Variants in ITSN1 observed in about 807,000 individuals in gnomAD.
ITSN1 encodes the protein intersectin 1.
Under a neutral mutation model 239.8 loss-of-function variants are expected in ITSN1, and 58 were observed. The ratio of observed to expected loss-of-function variants is 0.24; its 90% CI spans 0.20 to 0.30. ITSN1 has a LOEUF of 0.30. ITSN1 is among the 10% of genes least tolerant of loss of function. ITSN1 has a pLI of 1.00. For missense variants in ITSN1, 1,558 were observed against 2,103.3 expected (o/e 0.74, Z 5.07); for synonymous variants, 780 against 770.8 (o/e 1.01, Z -0.20).
intron 5 of ITSN1, among the ~76,000 whole-genome samples, chr21:33,739,325 T>C (rs2066700238): frequency 6.6e-6 from 1 of 152,314 alleles, no homozygotes; most frequent in East Asian, 1.9e-4. Context: ...TCTTTTGTTC[T>C]GGACCCAGCT....
intron 22 of ITSN1, chr21:33,817,765 T>A: frequency 1.4e-6 from 1 of 723,066 alleles, no homozygotes; most frequent in Non-Finnish European, 1.9e-6. Flanking sequence ...CTGTTTTCTC[T>A]GAAAAGGAAC....
At chr21:33,741,653 G>T (rs2066856072) in intron 5 of ITSN1, among the ~76,000 whole-genome samples, 2 of 151,984 alleles carry the variant, frequency 1.3e-5, no homozygotes, top group Non-Finnish European at 2.9e-5. Context: ...AGCACTTTGG[G>T]GGGCCCAGGT....
chr21:33,802,869 G>C (rs1312492230), intron 20 of ITSN1, among the ~76,000 whole-genome samples: 1 of 152,136 alleles, frequency 6.6e-6, no homozygotes, highest in African/African-American at 2.4e-5. Flanking sequence ...GGCAAAAATG[G>C]ACAGTCAACA....
At chr21:33,787,920 A>C (rs2070793560) in intron 16 of ITSN1, among the ~76,000 whole-genome samples, 1 of 152,222 alleles carries the variant, frequency 6.6e-6, no homozygotes, top group African/African-American at 2.4e-5. Context: ...AAAGTGCTCT[A>C]ACTCTCATTC....
chr21:33,843,610 T>A (rs1405067634), intron 29 of ITSN1, among the ~76,000 whole-genome samples: 11 of 152,242 alleles, frequency 7.2e-5, no homozygotes, highest in Admixed American at 7.2e-4. Context: ...TTTTACTCCA[T>A]TTCTCTCATC....
chr21:33,642,885 G>A (rs1264284332), intron 1 of ITSN1, among the ~76,000 whole-genome samples, 172 bp downstream of exon 1: 3 of 151,504 alleles, frequency 2.0e-5, no homozygotes, highest in Non-Finnish European at 4.4e-5. Context: ...GGCAGCGGCT[G>A]CCCCTCTGCC....
At chr21:33,751,400 T>C (rs868207532) in intron 6 of ITSN1, among the ~76,000 whole-genome samples, 71 of 152,358 alleles carry the variant, frequency 4.7e-4, no homozygotes, top group African/African-American at 1.6e-3. Context: ...TCACATGTTA[T>C]CTGGCCAAGA....
chr21:33,752,455 G>A (rs2067620455), intron 7 of ITSN1, among the ~76,000 whole-genome samples: 1 of 152,152 alleles, frequency 6.6e-6, no homozygotes, highest in South Asian at 2.1e-4. Context: ...TTTTATTAAA[G>A]CTGACATGAC....
At chr21:33,676,686 A>G (rs2090613954) in intron 1 of ITSN1, among the ~76,000 whole-genome samples, 1 of 152,206 alleles carries the variant, frequency 6.6e-6, no homozygotes, top group Non-Finnish European at 1.5e-5. Context: ...CATTAGGCAA[A>G]TTTAGGTATA....
intron 22 of ITSN1, 160 bp from the exon 23 acceptor site, chr21:33,818,107 A>C (rs1602419158): frequency 1.6e-6 from 1 of 623,914 alleles, no homozygotes; most frequent in African/African-American, 1.9e-5. Flanking sequence ...GTTGGGAAAC[A>C]GTGAAGCATC....
chr21:33,664,494 A>G lies in ITSN1; in HGVS notation c.-33+21781A>G, dbSNP rs539001739. On this transcript the variant is annotated intron_variant, in intron 1 of 39. Coordinates refer to ENST00000381318, the MANE Select transcript of ITSN1 (RefSeq NM_003024.3). ...ATGAAGGATCCACCCCATGACCTGA[A>G]AACACCTCCCACTAAGCCCCACCTC... is the stretch of plus-strand genomic sequence containing the variant. Among the ~76,000 whole-genome samples the G allele has an allele frequency of 3.9e-5, 6 of 152,102 alleles. No homozygotes were observed. The South Asian group carries it at 6.2e-4, about 16-fold the overall frequency.
At chr21:33,884,404 T>C (rs1985445724) in intron 36 of ITSN1, among the ~76,000 whole-genome samples, 2 of 152,152 alleles carry the variant, frequency 1.3e-5, no homozygotes, top group Non-Finnish European at 2.9e-5. Flanking sequence ...AACCTAGGGC[T>C]GTGGGTATTT....
chr21:33,883,258 CAT>C (rs1418223147), intron 35 of ITSN1, among the ~76,000 whole-genome samples: 1 of 152,166 alleles, frequency 6.6e-6, no homozygotes, highest in Non-Finnish European at 1.5e-5. Context: ...CCATATTTAT[CAT>C]ATTTATAATT....
intron 20 of ITSN1, among the ~76,000 whole-genome samples, chr21:33,807,714 G>T (rs2072566414): frequency 1.3e-5 from 2 of 152,196 alleles, no homozygotes. Context: ...TGACCTTTGA[G>T]GAGGTCCAAA....
At chr21:33,759,445 G>A (rs911128974) in intron 8 of ITSN1, among the ~76,000 whole-genome samples, 1 of 152,214 alleles carries the variant, frequency 6.6e-6, no homozygotes, top group Non-Finnish European at 1.5e-5. Flanking sequence ...CTTTTTATGT[G>A]TAATAGATAA....
chr21:33,654,331 C>T (rs1352176159), intron 1 of ITSN1, among the ~76,000 whole-genome samples: 4 of 151,692 alleles, frequency 2.6e-5, no homozygotes, highest in African/African-American at 4.8e-5. Flanking sequence ...GCTGGGCTTA[C>T]GGGCATGAAC....
Position 33,837,506 on chromosome 21 carries a change from A to T in ITSN1, c.3661+874A>T, listed in dbSNP as rs534250405. The stretch of plus-strand genomic sequence containing the variant: ...CATTTTGTCCAGTGTTACCAACTAA[A>T]TTGTGCAGTTTGGGGCTTTTCCCCC... On this transcript the variant is annotated intron_variant, in intron 29 of 39. Transcript: ENST00000381318. The T allele has an allele frequency of 1.1e-5, 11 of 985,822 alleles. No homozygotes were observed. The African/African-American group carries it at 1.9e-4, about 17-fold the overall frequency. The allele number at this position is 985,822 out of a possible 1,614,324, so 61.1% of individuals were successfully genotyped here. A position where few individuals can be genotyped will look rare whatever the true frequency, so the allele number is the denominator to read the frequency against.
intron 1 of ITSN1, among the ~76,000 whole-genome samples, chr21:33,717,180 A>C (rs1319743290): frequency 1.3e-5 from 2 of 150,954 alleles, no homozygotes; most frequent in African/African-American, 2.4e-5. Flanking sequence ...AGTATTTAGT[A>C]CTCATTCTTT....
In ITSN1 at chr21:33,797,322, A is replaced by G; in HGVS notation, c.1953-57A>G. 6.8e-7 allele frequency: 1 copy of G among 1,461,324 alleles called. No homozygotes were observed. The highest frequency in any genetic ancestry group is 2.3e-5 in the East Asian group (1 of 44,138). 90.5% of individuals were successfully genotyped at this position (1,461,324 alleles called of 1,614,324 possible). ...GGAGCTTTTTTTGTGAAAAGAGGCA[A>G]CAGTAGTGTTAACTTAGAGTTGCTT... On this transcript the variant is annotated intron_variant, in intron 17 of 39. Coordinates refer to ENST00000381318, the MANE Select transcript of ITSN1 (RefSeq NM_003024.3). This position sits in a 1 kb window ranked among gnomAD's most constrained non-coding sequence, Gnocchi z 4.9.
Sources: allele counts gnomAD v4.1 joint callset (sites outside exome capture counted in the v4.1 genomes callset), GRCh38; gene constraint gnomAD v4.1.1; non-coding constraint Gnocchi (gnomAD v3.1); transcripts MANE v1.5; gene names NCBI Gene and HGNC (gene_info 2026-07-23, HGNC 2026-07-21).